The following XCR1 variants were observed in gnomAD, a reference collection of about 807,000 sequenced individuals.
The protein encoded by XCR1 is chemokine XC receptor 1.
For missense variants in XCR1, 356 were observed against 424.2 expected (o/e 0.84, Z 1.41); for synonymous variants, 187 against 188.5 (o/e 0.99, Z 0.06).
At chr3:46,054,553 G>T (rs60854606) in intron 4 of XCR1, among the ~76,000 whole-genome samples, 1,920 of 151,936 alleles carry the variant, frequency 0.013, 52 homozygotes, top group African/African-American at 0.043. Flanking sequence ...GGACGAGGGG[G>T]GGGCGAGTGT....
intron 3 of XCR1, among the ~76,000 whole-genome samples, chr3:46,068,547 A>T (rs1698114568): frequency 6.6e-6 from 1 of 152,188 alleles, no homozygotes; most frequent in South Asian, 2.1e-4. Context: ...CTTACAATAA[A>T]TGCAGTTTGT....
intron 5 of XCR1, among the ~76,000 whole-genome samples, chr3:46,038,559 G>A (rs561451079): frequency 2.6e-5 from 4 of 152,062 alleles, no homozygotes; most frequent in Admixed American, 6.5e-5. Flanking sequence ...CATTTCTAAC[G>A]AGTCATCATT....
upstream of XCR1, among the ~76,000 whole-genome samples, chr3:46,032,008 T>G (rs756370225): frequency 7.2e-5 from 11 of 152,240 alleles, 1 homozygote; most frequent in Non-Finnish European, 1.5e-4. Context: ...CTATGCACTG[T>G]GAGTCTTCTC....
chr3:46,043,027 T>A (rs1575420804), intron 5 of XCR1, among the ~76,000 whole-genome samples: 1 of 126,558 alleles, frequency 7.9e-6, no homozygotes, highest in African/African-American at 5.8e-5. Flanking sequence ...TATAAAAAAA[T>A]CAATAATGTA....
chr3:46,060,754 C>A (rs1224973670), intron 4 of XCR1, among the ~76,000 whole-genome samples: 1 of 152,156 alleles, frequency 6.6e-6, no homozygotes, highest in Non-Finnish European at 1.5e-5. Context: ...TATGGAGAAA[C>A]AGTATGTATA....
intron 3 of XCR1, among the ~76,000 whole-genome samples, chr3:46,071,841 C>T (rs1448606323): frequency 6.6e-6 from 1 of 152,098 alleles, no homozygotes; most frequent in Non-Finnish European, 1.5e-5. Context: ...ATGACAAACC[C>T]ATAGCCAACC....
At chr3:46,085,514 G>A (rs183973067) in intron 1 of XCR1, among the ~76,000 whole-genome samples, 2 of 152,270 alleles carry the variant, frequency 1.3e-5, no homozygotes, top group Admixed American at 1.3e-4. Context: ...ACTCCATCCT[G>A]TCTGCCCCTC....
intron 2 of XCR1, among the ~76,000 whole-genome samples, chr3:46,074,818 T>C (rs1698231131): frequency 1.3e-5 from 2 of 152,126 alleles, no homozygotes; most frequent in Non-Finnish European, 2.9e-5. Context: ...TTTAAACCCA[T>C]GTTGTTCAAG....
intron 4 of XCR1, among the ~76,000 whole-genome samples, chr3:46,065,808 T>C (rs2125901862): frequency 6.6e-6 from 1 of 152,294 alleles, no homozygotes; most frequent in South Asian, 2.1e-4. Context: ...CGGTGTGCTC[T>C]AAATGTGTGT....
chr3:46,035,036 C>A (rs979445648), intron 5 of XCR1, among the ~76,000 whole-genome samples: 1 of 151,548 alleles, frequency 6.6e-6, no homozygotes, highest in Admixed American at 6.6e-5. Context: ...CTCACTGCAA[C>A]CTCTTCCTCC....
upstream of XCR1, among the ~76,000 whole-genome samples, chr3:46,028,913 C>G (rs1412986966): frequency 3.9e-5 from 6 of 152,088 alleles, no homozygotes; most frequent in Non-Finnish European, 4.4e-5. Flanking sequence ...TTCACGAAAT[C>G]TAATTTATAA....
chr3:46,021,206 G>A lies in XCR1; in HGVS notation c.742C>T (p.Gln248Ter), dbSNP rs1708137166. The A allele has an allele frequency of 1.2e-5, 19 of 1,614,236 alleles. No individual in the cohort carries two copies. Among genetic ancestry groups the A allele is most frequent in the Non-Finnish European group, 1.6e-5 (19 of 1,180,038 alleles). ...WGPYNFTLFL[Q>*]TLFRTQIIRS... ...ATGATCTGGGTCCGAAACAGCGTCT[G>A]CAGAAACAGGGTGAAGTTGTAGGGA... Residue 248 changes from glutamine to a stop codon, truncating the protein, a stop_gained, in exon 2 of 2, where the codon CAG (glutamine) becomes TAG (stop). Coordinates refer to ENST00000309285, the MANE Select transcript of XCR1 (RefSeq NM_001024644.2). LOFTEE classifies it low-confidence loss of function (END_TRUNC). The surrounding 1 kb of genome is among the most constrained non-coding windows in gnomAD (Gnocchi z 4.7).
At chr3:46,049,172 A>T (rs1020733313) in intron 5 of XCR1, among the ~76,000 whole-genome samples, 1 of 152,238 alleles carries the variant, frequency 6.6e-6, no homozygotes. Flanking sequence ...CTGTGTGTGT[A>T]ACATCCATTT....
At chr3:46,078,184 T>C (rs946375546) in intron 1 of XCR1, among the ~76,000 whole-genome samples, 3 of 152,212 alleles carry the variant, frequency 2.0e-5, no homozygotes, top group African/African-American at 7.2e-5. Context: ...TGGCCTCATG[T>C]TGGCTCAAGT....
intron 4 of XCR1, among the ~76,000 whole-genome samples, chr3:46,056,720 C>T (rs1432756854): frequency 6.6e-6 from 1 of 151,990 alleles, no homozygotes; most frequent in Non-Finnish European, 1.5e-5. Flanking sequence ...CTCCTGAACT[C>T]AAGTGATCTG....
In XCR1 at chr3:46,018,615, G is replaced by C. The variant is rs6806198; in HGVS notation, c.*2331C>G. The C allele has an allele frequency of 6.6e-6, 1 of 152,068 alleles. No individual in the cohort carries two copies. Among genetic ancestry groups the C allele is most frequent in the Non-Finnish European group, 1.5e-5 (1 of 68,070 alleles). The allele number at this position is 152,068 out of a possible 1,614,324, so 9.4% of individuals were successfully genotyped here. A position where few individuals can be genotyped will look rare whatever the true frequency, so the allele number is the denominator to read the frequency against. ...AGCCCCTTCCCTTCACTGGTATGCC[G>C]CCCAGCCCTGTCCAGCAGGTGCTAC... On this transcript the variant is annotated 3_prime_UTR_variant, in exon 2 of 2. Transcript: ENST00000309285.
intron 4 of XCR1, among the ~76,000 whole-genome samples, chr3:46,066,269 G>A (rs1042304145): frequency 3.4e-4 from 48 of 142,592 alleles, no homozygotes; most frequent in Middle Eastern, 3.5e-3. Flanking sequence ...TCTTTTCTTC[G>A]GAGTCTCACT....
chr3:46,026,379 TA>T (rs1311668700), intron 1 of XCR1, among the ~76,000 whole-genome samples: 2 of 152,172 alleles, frequency 1.3e-5, no homozygotes, highest in Non-Finnish European at 2.9e-5. Flanking sequence ...ACCTCAACTC[TA>T]AGGGAGTGAA....
At chr3:46,069,406 G>T (rs768071970) in intron 3 of XCR1, among the ~76,000 whole-genome samples, 1 of 152,142 alleles carries the variant, frequency 6.6e-6, no homozygotes, top group Non-Finnish European at 1.5e-5. Flanking sequence ...GAAACAGGGA[G>T]TATCACTACA....
Sources: gnomAD v4.1 joint callset for allele counts (sites outside exome capture counted in the v4.1 genomes callset) on GRCh38, gnomAD v4.1.1 for gene constraint, Gnocchi (gnomAD v3.1) non-coding constraint, MANE v1.5 for transcripts, NCBI Gene and HGNC (gene_info 2026-07-23, HGNC 2026-07-21) for gene names.